APBB2: variants seen among roughly 807,000 people sequenced by gnomAD.
The protein encoded by APBB2 is Fe65-like 1.
In APBB2, 38 loss-of-function variants were observed where a neutral mutation model predicts 82.5. That is an observed-to-expected ratio of 0.46 (90% CI 0.36 to 0.60). The LOEUF is 0.60. Ranked by LOEUF, APBB2 falls within the 20% of genes least tolerant of loss-of-function variation. APBB2 has a pLI of 0.00. For missense variants in APBB2, 772 were observed against 972.3 expected (o/e 0.79, Z 2.74); for synonymous variants, 341 against 368.2 (o/e 0.93, Z 0.85).
chr4:40,982,293 G>A (rs867516281), intron 6 of APBB2, among the ~76,000 whole-genome samples: 758 of 32,256 alleles, frequency 0.023, 104 homozygotes, highest in African/African-American at 0.11. Context: ...AAGGAAGGAA[G>A]GAAGGAAGGA....
At chr4:41,169,761 G>A (rs1242381123) in intron 1 of APBB2, among the ~76,000 whole-genome samples, 2 of 151,982 alleles carry the variant, frequency 1.3e-5, no homozygotes, top group Non-Finnish European at 2.9e-5. Flanking sequence ...CTGTATTTAT[G>A]CTAAAATGTA....
At chr4:41,148,495 C>A (rs1279191015) in intron 1 of APBB2, among the ~76,000 whole-genome samples, 5 of 152,180 alleles carry the variant, frequency 3.3e-5, no homozygotes, top group African/African-American at 1.2e-4. Context: ...ATTCATCCAA[C>A]AAATATTTAC....
chr4:41,072,883 T>C (rs972078038), intron 3 of APBB2, among the ~76,000 whole-genome samples: 3 of 152,230 alleles, frequency 2.0e-5, no homozygotes, highest in African/African-American at 7.2e-5. Context: ...TAAGTGACTG[T>C]TGGCAAATCA....
intron 5 of APBB2, among the ~76,000 whole-genome samples, chr4:41,021,150 C>A (rs1560543617): frequency 6.6e-6 from 1 of 152,086 alleles, no homozygotes; most frequent in Non-Finnish European, 1.5e-5. Flanking sequence ...ACAAATGGAA[C>A]CCCAAATGAG....
chr4:41,153,778 CGAG>C (rs1762835369), intron 1 of APBB2, among the ~76,000 whole-genome samples: 1 of 151,994 alleles, frequency 6.6e-6, no homozygotes, highest in African/African-American at 2.4e-5. Context: ...ATCACATTTT[CGAG>C]GAGGGGTTTA....
chr4:40,857,077 A>G, intron 12 of APBB2: 1 of 985,462 alleles, frequency 1.0e-6, no homozygotes, highest in Non-Finnish European at 1.2e-6. Flanking sequence ...CCCAGGTGCT[A>G]CGACAAGCCC....
intron 6 of APBB2, among the ~76,000 whole-genome samples, chr4:40,999,801 T>A (rs527534011): frequency 6.6e-6 from 1 of 152,184 alleles, no homozygotes. Context: ...GGTACGCTAT[T>A]ACCTTGAATT....
At chr4:40,978,785 C>G (rs1244812190) in intron 6 of APBB2, among the ~76,000 whole-genome samples, 1 of 151,982 alleles carries the variant, frequency 6.6e-6, no homozygotes, top group Non-Finnish European at 1.5e-5. Flanking sequence ...TCATTTTCTC[C>G]AAGATTCCAT....
intron 10 of APBB2, among the ~76,000 whole-genome samples, chr4:40,893,879 C>T (rs934118990): frequency 6.6e-6 from 1 of 152,124 alleles, no homozygotes; most frequent in African/African-American, 2.4e-5. Flanking sequence ...AAGGCTGAGC[C>T]AGGACAATCG....
intron 3 of APBB2, among the ~76,000 whole-genome samples, chr4:41,093,744 C>T (rs1462075253): frequency 1.3e-5 from 2 of 152,022 alleles, no homozygotes; most frequent in African/African-American, 4.8e-5. Flanking sequence ...ATCCCAGCTA[C>T]TTGGGAGCCT....
At chr4:41,146,429 G>A (rs1335897839) in intron 1 of APBB2, among the ~76,000 whole-genome samples, 3 of 151,690 alleles carry the variant, frequency 2.0e-5, no homozygotes, top group African/African-American at 7.3e-5. Context: ...GGGCGGTTGA[G>A]GCTGCAGTGA....
intron 4 of APBB2, among the ~76,000 whole-genome samples, chr4:41,063,663 G>A (rs1460763686): frequency 1.3e-5 from 2 of 152,050 alleles, no homozygotes; most frequent in Non-Finnish European, 2.9e-5. Flanking sequence ...GGGCTTGAGG[G>A]TGGTTCTAAC....
chr4:40,836,835 TCTC>T (rs775866480), intron 12 of APBB2, among the ~76,000 whole-genome samples: 50 of 152,242 alleles, frequency 3.3e-4, no homozygotes, highest in Admixed American at 1.2e-3. Flanking sequence ...CATCCATCTC[TCTC>T]CTTTCTGTTT....
chr4:41,093,225 C>T (rs1390704354), intron 3 of APBB2, among the ~76,000 whole-genome samples: 6 of 152,180 alleles, frequency 3.9e-5, no homozygotes, highest in Middle Eastern at 3.2e-3. Flanking sequence ...TACTCAGGCA[C>T]ACAGAGCATG....
intron 12 of APBB2, among the ~76,000 whole-genome samples, chr4:40,844,732 CATT>C (rs1464646526): frequency 1.3e-5 from 2 of 152,246 alleles, no homozygotes; most frequent in Non-Finnish European, 2.9e-5. Flanking sequence ...AGCTGGGTAA[CATT>C]ATGCAAGTCA....
intron 3 of APBB2, among the ~76,000 whole-genome samples, chr4:41,076,236 G>A (rs1735600362): frequency 6.6e-6 from 1 of 152,232 alleles, no homozygotes; most frequent in African/African-American, 2.4e-5. Flanking sequence ...GAAAGTGTAA[G>A]TTAAGACACA....
At position 41,049,072 on chromosome 4, in the gene APBB2, G is replaced by A. The variant is rs1373574710; in HGVS notation, c.-50-15768C>T. ...CCAAAGTGCCGAGATTGCAGCCTCT[G>A]CCCGGCCGCCACCCCGTCTGGGAAG... On this transcript the variant is annotated intron_variant, in intron 4 of 17. Transcript: ENST00000508593. Among the ~76,000 whole-genome samples the A allele has an allele frequency of 2.6e-5, 4 of 152,048 alleles. No individual in the cohort carries two copies. In the East Asian group the frequency reaches 7.9e-4, roughly 30 times the overall value.
intron 10 of APBB2, among the ~76,000 whole-genome samples, chr4:40,902,860 G>T (rs1775703964): frequency 6.6e-6 from 1 of 152,194 alleles, no homozygotes; most frequent in South Asian, 2.1e-4. Context: ...CAAGAAACTG[G>T]CCAGGCACAG....
intron 12 of APBB2, among the ~76,000 whole-genome samples, chr4:40,841,652 G>T (rs1755844985): frequency 6.6e-6 from 1 of 152,098 alleles, no homozygotes. Flanking sequence ...TAGAGAATAT[G>T]TAATATAAGC....
Sources: gnomAD v4.1 joint callset for allele counts (sites outside exome capture counted in the v4.1 genomes callset) on GRCh38, gnomAD v4.1.1 for gene constraint, MANE v1.5 for transcripts, NCBI Gene and HGNC (gene_info 2026-07-23, HGNC 2026-07-21) for gene names.